DCLK2: variants seen among roughly 807,000 people sequenced by gnomAD.
DCLK2 encodes the protein doublecortin like kinase 2.
A neutral mutation model predicts 78.4 loss-of-function variants in DCLK2; 31 were observed. That is an observed-to-expected ratio of 0.40 (90% CI 0.30 to 0.53). The LOEUF (loss-of-function observed/expected upper bound fraction) is 0.53. Among genes scored for constraint, DCLK2 ranks in the 20% least tolerant of loss-of-function variants. DCLK2 has a pLI of 0.61. For missense variants in DCLK2, 872 were observed against 973.7 expected, an observed-to-expected ratio of 0.90 and a Z score of 1.39; for synonymous variants, 407 against 374.9, an observed-to-expected ratio of 1.09 and a Z score of -0.99.
intron 8 of DCLK2, among the ~76,000 whole-genome samples, chr4:150,228,808 TGA>T (rs1357841653): frequency 6.7e-6 from 1 of 148,472 alleles, no homozygotes; most frequent in Non-Finnish European, 1.5e-5. Context: ...GGGTGGATCA[TGA>T]GGTCAGGAGA....
chr4:150,211,108 C>T (rs1740278715), intron 5 of DCLK2, among the ~76,000 whole-genome samples: 1 of 152,186 alleles, frequency 6.6e-6, no homozygotes, highest in African/African-American at 2.4e-5. Flanking sequence ...CATGAGGTTG[C>T]AGTCAAGACG....
At chr4:150,222,335 G>T (rs1052789374) in intron 7 of DCLK2, among the ~76,000 whole-genome samples, 3 of 151,946 alleles carry the variant, frequency 2.0e-5, no homozygotes, top group Non-Finnish European at 4.4e-5. Context: ...TGTGCATTTG[G>T]GATGAGATAT....
At chr4:150,211,010 A>G (rs1361718589) in intron 5 of DCLK2, among the ~76,000 whole-genome samples, 1 of 152,128 alleles carries the variant, frequency 6.6e-6, no homozygotes, top group African/African-American at 2.4e-5. Context: ...TTAAAACAAA[A>G]GAAGTAGAAA....
intron 5 of DCLK2, among the ~76,000 whole-genome samples, chr4:150,212,164 G>A (rs1363530580): frequency 6.6e-6 from 1 of 152,116 alleles, no homozygotes; most frequent in Non-Finnish European, 1.5e-5. Flanking sequence ...GTTGAAAGAA[G>A]GAAGAAAAAA....
At chr4:150,085,637 A>C (rs918046874) in intron 1 of DCLK2, among the ~76,000 whole-genome samples, 4 of 152,194 alleles carry the variant, frequency 2.6e-5, no homozygotes, top group Non-Finnish European at 5.9e-5. Context: ...TGAATAAATC[A>C]TAAAGGCAGA....
chr4:150,143,839 G>A (rs1351753701), intron 2 of DCLK2, among the ~76,000 whole-genome samples: 1 of 151,368 alleles, frequency 6.6e-6, no homozygotes, highest in Non-Finnish European at 1.5e-5. Context: ...TTGGCTGCTT[G>A]TATTTCTTCT....
At chr4:150,083,344 G>T (rs537387342) in intron 1 of DCLK2, among the ~76,000 whole-genome samples, 1 of 152,238 alleles carries the variant, frequency 6.6e-6, no homozygotes, top group African/African-American at 2.4e-5. Flanking sequence ...TAAGCTGATT[G>T]TTTTTTGGCA....
Position 150,102,735 on chromosome 4 carries a change from G to A in DCLK2, c.679G>A (p.Val227Ile). 6.2e-7 allele frequency: 1 copy of A among 1,614,160 alleles called. No individual in the cohort carries two copies. Among genetic ancestry groups the A allele is most frequent in the Non-Finnish European group, 8.5e-7 (1 of 1,180,016 alleles). Residue 227 changes from valine (V) to isoleucine (I), a missense_variant, in exon 2 of 16, where the codon GTC becomes ATC. Around this residue, in one of 3 missense-constraint regions of DCLK2, gnomAD observed 567 missense variants for 593.4 expected, o/e 0.96. Transcript: ENST00000296550. Reference protein sequence around the residue: ...NKKTAHSFEQVLTDITEAIKL... With the variant: ...NKKTAHSFEQILTDITEAIKL... ...AAAGACTGCTCATTCCTTTGAACAA[G>A]TCTTAACAGATATCACCGAAGCCAT...
chr4:150,251,644 C>G (rs1331126816), intron 15 of DCLK2, among the ~76,000 whole-genome samples: 1 of 44,074 alleles, frequency 2.3e-5, no homozygotes, highest in African/African-American at 1.1e-4. Flanking sequence ...CCCCACACCC[C>G]CCGCCCCCAC....
intron 2 of DCLK2, among the ~76,000 whole-genome samples, chr4:150,144,383 G>T (rs1734311562): frequency 6.6e-6 from 1 of 152,044 alleles, no homozygotes; most frequent in African/African-American, 2.4e-5. Context: ...AATATCAGTT[G>T]TCTGTAGGTA....
chr4:150,232,511 T>C (rs924163496), intron 9 of DCLK2, 55 bp downstream of exon 9: 5 of 1,596,576 alleles, frequency 3.1e-6, no homozygotes, highest in Non-Finnish European at 4.3e-6. Context: ...ACAACATCCT[T>C]GAAGGACCTA....
chr4:150,109,389 C>T (rs996576928), intron 2 of DCLK2, among the ~76,000 whole-genome samples: 3 of 150,230 alleles, frequency 2.0e-5, no homozygotes, highest in Admixed American at 2.0e-4. Flanking sequence ...GGCTGGAGTG[C>T]AGTGGCATGA....
chr4:150,086,825 A>G (rs930794423), intron 1 of DCLK2, among the ~76,000 whole-genome samples: 6 of 151,924 alleles, frequency 3.9e-5, no homozygotes, highest in Non-Finnish European at 8.8e-5. Context: ...ATTCTTTCAT[A>G]TTTATTTCTC....
chr4:150,152,446 TA>T (rs902370839), intron 2 of DCLK2, among the ~76,000 whole-genome samples: 4 of 152,194 alleles, frequency 2.6e-5, no homozygotes, highest in African/African-American at 9.6e-5. Flanking sequence ...CACACCCAGC[TA>T]ATTTTTGTAT....
intron 5 of DCLK2, among the ~76,000 whole-genome samples, chr4:150,204,115 G>C (rs1739664247): frequency 6.6e-6 from 1 of 152,194 alleles, no homozygotes; most frequent in African/African-American, 2.4e-5. Flanking sequence ...TGGGAACACG[G>C]GGTTGTGGTG....
chr4:150,105,146 A>C (rs1731164484), intron 2 of DCLK2, among the ~76,000 whole-genome samples: 1 of 152,168 alleles, frequency 6.6e-6, no homozygotes, highest in Non-Finnish European at 1.5e-5. Flanking sequence ...AAAATGAAAC[A>C]AAAGGACTAA....
intron 2 of DCLK2, among the ~76,000 whole-genome samples, chr4:150,135,989 T>A (rs977323273): frequency 2.0e-5 from 3 of 152,178 alleles, no homozygotes; most frequent in African/African-American, 7.2e-5. Flanking sequence ...CCAAGTAAAG[T>A]ACAAAGAATG....
chr4:150,229,401 A>G (rs1016216897), intron 8 of DCLK2, among the ~76,000 whole-genome samples: 14 of 152,192 alleles, frequency 9.2e-5, no homozygotes, highest in African/African-American at 2.9e-4. Context: ...AGAGAACTGA[A>G]TGGATGAATG....
At chr4:150,199,078 G>A in intron 4 of DCLK2, 1 of 1,595,854 alleles carries the variant, frequency 6.3e-7, no homozygotes, top group Non-Finnish European at 8.5e-7. Context: ...CAAATCCCCA[G>A]GTGAGCCATG....
Sources: gnomAD v4.1 joint callset for allele counts (sites outside exome capture counted in the v4.1 genomes callset) on GRCh38, gnomAD v4.1.1 for gene constraint, gnomAD v4.1.1 regional missense constraint, MANE v1.5 for transcripts, NCBI Gene and HGNC (gene_info 2026-07-23, HGNC 2026-07-21) for gene names.